BNC2: variants seen among roughly 807,000 people sequenced by gnomAD.
BNC2 encodes zinc finger protein basonuclin-2.
BNC2 carries 20 observed loss-of-function variants against 76.3 expected under a neutral mutation model. The observed-to-expected ratio is 0.26, with a 90% CI of 0.18 to 0.38. The LOEUF (loss-of-function observed/expected upper bound fraction) is 0.38. Ranked by LOEUF, BNC2 falls within the 10% of genes least tolerant of loss-of-function variation. The probability of loss-of-function intolerance (pLI) is 1.00; values close to 1 mark genes in which losing one functional copy is unlikely to be tolerated. For synonymous variants in BNC2, 582 were observed against 514.8 expected (o/e 1.13, Z -1.77); for missense variants, 1,382 against 1,399.8 (o/e 0.99, Z 0.20).
chr9:16,738,988 G>A (rs1407889547), intron 1 of BNC2, among the ~76,000 whole-genome samples: 1 of 150,702 alleles, frequency 6.6e-6, no homozygotes, highest in Non-Finnish European at 1.5e-5. Context: ...AACAAGAGCA[G>A]AATTCCATAC....
chr9:16,719,197 A>T (rs1397364318), intron 3 of BNC2, among the ~76,000 whole-genome samples: 7 of 152,128 alleles, frequency 4.6e-5, no homozygotes, highest in Admixed American at 4.6e-4. Flanking sequence ...TGCCGGTGAC[A>T]TCCCAGCCAT....
chr9:16,420,427 T>C (rs929777578), intron 6 of BNC2, among the ~76,000 whole-genome samples: 7 of 151,898 alleles, frequency 4.6e-5, no homozygotes, highest in African/African-American at 1.5e-4. Context: ...TAAAATTTAA[T>C]TCTTTAAGAC....
chr9:16,488,993 G>A (rs1325339676), intron 5 of BNC2, among the ~76,000 whole-genome samples: 1 of 152,036 alleles, frequency 6.6e-6, no homozygotes, highest in East Asian at 1.9e-4. Context: ...TATACACTAA[G>A]ACAATAGAAT....
chr9:16,614,476 A>AT (rs397694089), intron 3 of BNC2, among the ~76,000 whole-genome samples: 9 of 151,480 alleles, frequency 5.9e-5, no homozygotes, highest in African/African-American at 2.2e-4. Flanking sequence ...AAAAAAAAAA[A>AT]TCCAAAAAAC....
chr9:16,808,609 CT>C (rs1302687985), intron 1 of BNC2, among the ~76,000 whole-genome samples: 3 of 151,086 alleles, frequency 2.0e-5, no homozygotes, highest in Non-Finnish European at 4.4e-5. Context: ...CCACCTCGGC[CT>C]CCTGAGTAAC....
At chr9:16,758,816 G>T (rs1056070237) in intron 1 of BNC2, among the ~76,000 whole-genome samples, 4 of 152,028 alleles carry the variant, frequency 2.6e-5, no homozygotes, top group Non-Finnish European at 4.4e-5. Flanking sequence ...TAAGGCTAAG[G>T]CACAATATAT....
intron 6 of BNC2, among the ~76,000 whole-genome samples, chr9:16,427,993 T>G (rs991284166): frequency 9.9e-5 from 15 of 152,228 alleles, no homozygotes; most frequent in African/African-American, 3.6e-4. Context: ...GGATTTTTTA[T>G]GGTACTGTCA....
intron 3 of BNC2, among the ~76,000 whole-genome samples, chr9:16,608,230 T>A (rs929982396): frequency 4.6e-5 from 7 of 152,190 alleles, no homozygotes; most frequent in African/African-American, 1.7e-4. Flanking sequence ...ATTCCTCACT[T>A]GTAACAACTG....
chr9:16,686,685 C>A (rs912257075), intron 3 of BNC2, among the ~76,000 whole-genome samples: 1 of 152,154 alleles, frequency 6.6e-6, no homozygotes, highest in Non-Finnish European at 1.5e-5. Context: ...GCCATGCATG[C>A]TAGCTTAAAA....
chr9:16,775,397 T>A (rs199928381), intron 1 of BNC2, among the ~76,000 whole-genome samples: 3 of 148,206 alleles, frequency 2.0e-5, no homozygotes, highest in South Asian at 4.3e-4. Context: ...ATTTCGTTAT[T>A]AAAAAAAAAA....
intron 3 of BNC2, among the ~76,000 whole-genome samples, chr9:16,689,579 G>C (rs572065429): frequency 6.6e-6 from 1 of 152,150 alleles, no homozygotes; most frequent in African/African-American, 2.4e-5. Context: ...ATGTGTTTTG[G>C]TGGCTTCAGT....
At chr9:16,823,101 T>C (rs979487612) in intron 1 of BNC2, among the ~76,000 whole-genome samples, 7 of 152,166 alleles carry the variant, frequency 4.6e-5, no homozygotes, top group African/African-American at 1.7e-4. Flanking sequence ...ACTAGGAAAT[T>C]GAGCTAAGTT....
At chr9:16,513,200 T>C (rs1391231809) in intron 5 of BNC2, among the ~76,000 whole-genome samples, 3 of 151,908 alleles carry the variant, frequency 2.0e-5, no homozygotes, top group Non-Finnish European at 4.4e-5. Flanking sequence ...ATGAAAGGTA[T>C]AGAATGTTAT....
At chr9:16,629,605 G>T (rs1303171477) in intron 3 of BNC2, among the ~76,000 whole-genome samples, 1 of 152,066 alleles carries the variant, frequency 6.6e-6, no homozygotes, top group East Asian at 1.9e-4. Flanking sequence ...GCATCTGCAG[G>T]CAAACATCGG....
chr9:16,836,593 T>TC (rs1410827890), intron 1 of BNC2, among the ~76,000 whole-genome samples: 16 of 151,906 alleles, frequency 1.1e-4, no homozygotes, highest in African/African-American at 3.6e-4. Context: ...TTAAGTTTGA[T>TC]CCTACTCAAC....
chr9:16,481,692 ATGAG>A (rs1253871480), intron 5 of BNC2, among the ~76,000 whole-genome samples: 1 of 152,224 alleles, frequency 6.6e-6, no homozygotes, highest in Non-Finnish European at 1.5e-5. Flanking sequence ...TTCAATTTCA[ATGAG>A]TATTTTTTAA....
chr9:16,717,473 TAGAAAG>T (rs1196528107), intron 3 of BNC2, among the ~76,000 whole-genome samples: 1 of 152,184 alleles, frequency 6.6e-6, no homozygotes, highest in Non-Finnish European at 1.5e-5. Context: ...TATACCATCT[TAGAAAG>T]AGAATTTTAT....
intron 4 of BNC2, among the ~76,000 whole-genome samples, chr9:16,553,888 GAT>G (rs1318896051): frequency 6.6e-6 from 1 of 152,136 alleles, no homozygotes; most frequent in Non-Finnish European, 1.5e-5. Context: ...AGATTAGTGA[GAT>G]AACGAGTGAG....
chr9:16,865,017 C>G (rs149739931), intron 1 of BNC2, among the ~76,000 whole-genome samples: 1 of 129,854 alleles, frequency 7.7e-6, no homozygotes, highest in Non-Finnish European at 1.6e-5. Flanking sequence ...TGTCTGGGTA[C>G]ACGTCTGGCT....
Sources: allele counts gnomAD v4.1 joint callset (sites outside exome capture counted in the v4.1 genomes callset), GRCh38; gene constraint gnomAD v4.1.1; transcripts MANE v1.5; gene names NCBI Gene and HGNC (gene_info 2026-07-23, HGNC 2026-07-21).